UGT2B11: variants seen among roughly 807,000 people sequenced by gnomAD.
UGT2B11 encodes UDP glucuronosyltransferase family 2 member B11, also known as UDP-glucuronosyltransferase 2B11.
A neutral mutation model predicts 51.7 loss-of-function variants in UGT2B11; 49 were observed. The ratio of observed to expected loss-of-function variants is 0.95; its 90% CI spans 0.75 to 1.20. The LOEUF (loss-of-function observed/expected upper bound fraction) is 1.20, where lower values mean the gene tolerates loss of function less well. Among genes scored for constraint, UGT2B11 ranks in the 50% most tolerant of loss-of-function variants. UGT2B11 has a pLI of 0.00. For missense variants in UGT2B11, 810 were observed against 622.1 expected, an observed-to-expected ratio of 1.30 and a Z score of -3.21; for synonymous variants, 273 against 209.0, an observed-to-expected ratio of 1.31 and a Z score of -2.64.
intron 2 of UGT2B11, chr4:69,210,999 A>C (rs1722039152): frequency 6.6e-6 from 1 of 151,596 alleles, no homozygotes; most frequent in Non-Finnish European, 1.5e-5. Context: ...ATTCAGATAC[A>C]AGTGGTAGAA....
upstream of UGT2B11, among the ~76,000 whole-genome samples, chr4:69,217,442 T>C (rs1446352058): frequency 2.0e-5 from 3 of 152,304 alleles, no homozygotes; most frequent in African/African-American, 4.8e-5. Context: ...ATATTTTTAA[T>C]GTCCTTGAGT....
chr4:69,205,730 A>T (rs1329769036), intron 3 of UGT2B11, 163 bp from the exon 4 acceptor site: 3 of 834,126 alleles, frequency 3.6e-6, no homozygotes, highest in Non-Finnish European at 5.3e-6. Flanking sequence ...CTTAACTTTT[A>T]TAATGATTTA....
At chr4:69,224,836 C>T in the UGT2B11 span, among the ~76,000 whole-genome samples, 1 of 151,664 alleles carries the variant, frequency 6.6e-6, no homozygotes, top group Non-Finnish European at 1.5e-5. Flanking sequence ...AAGCGGGTAG[C>T]TAGTGTTAGA....
intron 1 of UGT2B11, among the ~76,000 whole-genome samples, 195 bp from the exon 2 acceptor site, chr4:69,212,916 G>A (rs1045266724): frequency 6.6e-6 from 1 of 151,100 alleles, no homozygotes; most frequent in African/African-American, 2.4e-5. Context: ...GAAAGGCAAA[G>A]TGGTGGGAGA....
rs761261972 is a variant in UGT2B11 at position 69,214,703 on chromosome 4, G to A, written c.20C>T (p.Ser7Leu). 3.1e-6 allele frequency: 5 copies of A among 1,612,406 alleles called. No individual in the cohort carries two copies. Among genetic ancestry groups the A allele is most frequent in the Non-Finnish European group, 3.4e-6 (4 of 1,178,980 alleles). Residue 7 changes from serine to leucine, a missense_variant, in exon 1 of 6, where the codon TCA becomes TTA. Physicochemically the swap from Ser to Leu is moderately radical, Grantham distance 145. Coordinates refer to ENST00000446444, the MANE Select transcript of UGT2B11 (RefSeq NM_001073.3). The part of the protein sequence containing the change: MTLKWT[S>L]VLLLIHLSCY... The stretch of plus-strand genomic sequence containing the variant: ...ACTGAGATGTATCAGCAGAAGAACT[G>A]AAGTCCATTTCAGAGTCATCCTGGT...
intron 2 of UGT2B11, among the ~76,000 whole-genome samples, chr4:69,209,396 G>T (rs1200976536): frequency 1.3e-5 from 2 of 151,676 alleles, no homozygotes; most frequent in Non-Finnish European, 3.0e-5. Context: ...GAGAGATCTT[G>T]TCTCTCTTTT....
chr4:69,208,527 C>G (rs1223455811), intron 2 of UGT2B11, 45 bp from the exon 3 acceptor site: 2 of 1,593,966 alleles, frequency 1.3e-6, no homozygotes, highest in East Asian at 4.5e-5. Context: ...ATCACCACAG[C>G]AGGCACTACT....
At chr4:69,218,346 C>T (rs1722327615), upstream of UGT2B11, among the ~76,000 whole-genome samples, 1 of 151,980 alleles carries the variant, frequency 6.6e-6, no homozygotes, top group South Asian at 2.1e-4. Context: ...GTAGGGAGAA[C>T]ACAAATAGAC....
chr4:69,209,760 T>C (rs558367891), intron 2 of UGT2B11, among the ~76,000 whole-genome samples: 1 of 151,688 alleles, frequency 6.6e-6, no homozygotes, highest in South Asian at 2.1e-4. Context: ...TCGTTTTCAG[T>C]GTTTCATCTC....
At position 69,204,478 on chromosome 4, in the gene UGT2B11, G is replaced by C. The variant is rs143674057; in HGVS notation, c.1262C>G (p.Ser421Trp). 3.1e-6 allele frequency: 5 copies of C among 1,612,056 alleles called. No homozygotes were observed. In the South Asian group the frequency reaches 4.4e-5, roughly 14 times the overall value. Residue 421 changes from serine to tryptophan, a missense_variant, in exon 5 of 6, where the codon TCG becomes TGG. Transcript: ENST00000446444. ...AAVRLDFNTM[S>W]STDLLNALKT... ...CAGTGCATTCAGCAGGTCTGTACTC[G>C]ACATTGTGTTGAAGTCCAATCTAAC...
At chr4:69,201,287 G>A (rs1022966372) in intron 5 of UGT2B11, 2 of 151,940 alleles carry the variant, frequency 1.3e-5, no homozygotes, top group African/African-American at 4.8e-5. Context: ...TTATCAAGGT[G>A]AGTGACATAC....
Position 69,214,533 on chromosome 4 carries a change from A to T in UGT2B11, c.190T>A (p.Phe64Ile), listed in dbSNP as rs779986620. The T allele has an allele frequency of 1.9e-6, 3 of 1,613,170 alleles. No individual in the cohort carries two copies. In the East Asian group the frequency reaches 6.7e-5, roughly 36 times the overall value. ...TVLASSASIL[F>I]DPNDASTLKF... ...AGAGTGGATGCATCATTGGGATCAA[A>T]AAGAATGGAAGCTGAAGATGCCAGT... The change falls in exon 1 of 6, where the codon TTT (phenylalanine) becomes ATT (isoleucine). Residue 64 changes from phenylalanine to isoleucine, a missense_variant. Physicochemically the swap from Phe to Ile is conservative, Grantham distance 21. Coordinates refer to ENST00000446444, the MANE Select transcript of UGT2B11 (RefSeq NM_001073.3).
chr4:69,215,889 A>T (rs951062167), upstream of UGT2B11: 6 of 152,196 alleles, frequency 3.9e-5, no homozygotes, highest in Non-Finnish European at 8.8e-5. Flanking sequence ...AAAAGTGAAT[A>T]AATTAAATAA....
chr4:69,206,300 A>G (rs1289558766), intron 3 of UGT2B11, among the ~76,000 whole-genome samples: 1 of 151,730 alleles, frequency 6.6e-6, no homozygotes, highest in Non-Finnish European at 1.5e-5. Context: ...AGCCATAAAA[A>G]AAACAAAAAT....
In UGT2B11 at chr4:69,212,721, C is replaced by G. The variant is rs1171557299; in HGVS notation, c.722G>C (p.Gly241Ala). Residue 241 changes from glycine (G) to alanine (A), a missense_variant and splice_region_variant, in exon 2 of 6, where the codon GGA (glycine) becomes GCA (alanine). Physicochemically the swap from Gly to Ala is moderately conservative, Grantham distance 60. Transcript: ENST00000446444. Reference sequence around the variant, plus strand: ...TGTCTCAAATAAGGTAGTGGGTCTTCCTGACAGGAATAAAGAAAAGAAAAA... The same window carrying G: ...TGTCTCAAATAAGGTAGTGGGTCTTGCTGACAGGAATAAAGAAAAGAAAAA... ...KWDQFYSEVL[G>A]RPTTLFETMG... 34 of 1,599,636 alleles carry G rather than the reference C, an allele frequency of 2.1e-5. No homozygotes were observed. Among genetic ancestry groups the G allele is most frequent in the Non-Finnish European group, 2.9e-5 (34 of 1,175,180 alleles).
At chr4:69,205,854 A>T (rs1261120274) in intron 3 of UGT2B11, among the ~76,000 whole-genome samples, 1 of 151,766 alleles carries the variant, frequency 6.6e-6, no homozygotes, top group African/African-American at 2.4e-5. Flanking sequence ...ACCTACCTGC[A>T]GTCAACCATC....
At chr4:69,216,793 A>C (rs376773981), upstream of UGT2B11, 169 of 152,180 alleles carry the variant, frequency 1.1e-3, 1 homozygote, top group East Asian at 3.5e-3. Context: ...TGTGAATAAT[A>C]AATTTCATTC....
chr4:69,201,479 T>C (rs1721657822), intron 5 of UGT2B11, among the ~76,000 whole-genome samples: 1 of 151,882 alleles, frequency 6.6e-6, no homozygotes. Flanking sequence ...TACAGAACCC[T>C]ACATCGTAAG....
At chr4:69,218,105 A>G (rs922475738), upstream of UGT2B11, among the ~76,000 whole-genome samples, 12 of 152,154 alleles carry the variant, frequency 7.9e-5, no homozygotes. Context: ...TTATATCCTA[A>G]TTTGTTCCAT....
Sources: gnomAD v4.1 joint callset for allele counts (sites outside exome capture counted in the v4.1 genomes callset) on GRCh38, gnomAD v4.1.1 for gene constraint, MANE v1.5 for transcripts, NCBI Gene and HGNC (gene_info 2026-07-23, HGNC 2026-07-21) for gene names.